The following ABHD16A variants were observed in gnomAD, a reference collection of about 807,000 sequenced individuals.
ABHD16A encodes the protein phosphatidylserine lipase ABHD16A.
ABHD16A carries 47 observed loss-of-function variants against 89.8 expected under a neutral mutation model. The observed-to-expected ratio is 0.52, with a 90% CI of 0.41 to 0.67. The LOEUF (loss-of-function observed/expected upper bound fraction) is 0.67. Ranked by LOEUF, ABHD16A falls within the 30% of genes least tolerant of loss-of-function variation. The pLI is 0.00. For missense variants in ABHD16A, 580 were observed against 734.6 expected (o/e 0.79, Z 2.43); for synonymous variants, 251 against 280.4 (o/e 0.90, Z 1.05).
At chr6:31,695,605 C>T (rs1804310881) in intron 5 of ABHD16A, among the ~76,000 whole-genome samples, 1 of 152,094 alleles carries the variant, frequency 6.6e-6, no homozygotes, top group Non-Finnish European at 1.5e-5. Flanking sequence ...TGCCTGTAAT[C>T]CCAGCTACTT....
chr6:31,688,379 C>T lies in ABHD16A; in HGVS notation c.1251-74G>A. The T allele has an allele frequency of 1.4e-6, 2 of 1,439,724 alleles. No individual in the cohort carries two copies. The highest frequency in any genetic ancestry group is 9.8e-7 in the Non-Finnish European group (1 of 1,024,386). 89.2% of individuals were successfully genotyped at this position (1,439,724 alleles called of 1,614,324 possible). On this transcript the variant is annotated intron_variant, in intron 14 of 19. Coordinates refer to ENST00000395952, the MANE Select transcript of ABHD16A (RefSeq NM_021160.3). The surrounding 1 kb of genome is among the most constrained non-coding windows in gnomAD (Gnocchi z 4.9). ...GACAACTGGCCCACCCCTATCCCTG[C>T]ACTGGTAGCATTCTTACCCTCCCCT...
chr6:31,697,977 A>G (rs1479470081), intron 4 of ABHD16A, among the ~76,000 whole-genome samples: 1 of 152,190 alleles, frequency 6.6e-6, no homozygotes, highest in South Asian at 2.1e-4. Flanking sequence ...AAAATACAAC[A>G]AGAATGAACC....
intron 4 of ABHD16A, among the ~76,000 whole-genome samples, chr6:31,699,736 T>G (rs1252977297): frequency 2.7e-5 from 4 of 150,922 alleles, no homozygotes; most frequent in Non-Finnish European, 5.9e-5. Context: ...CCATGCCCAG[T>G]TAATTTTTTG....
intron 7 of ABHD16A, 170 bp downstream of exon 7, chr6:31,692,857 C>A (rs761540350): frequency 2.3e-5 from 20 of 888,210 alleles, no homozygotes; most frequent in Non-Finnish European, 3.2e-5. Flanking sequence ...AGCCTCTTTT[C>A]TTCAAACATA....
chr6:31,701,485 G>A (rs550311344), intron 2 of ABHD16A, 145 bp from the exon 3 acceptor site: 2 of 681,474 alleles, frequency 2.9e-6, no homozygotes, highest in African/African-American at 3.6e-5. Flanking sequence ...GAATACAGTA[G>A]GTGCTCAGTA....
Position 31,690,086 on chromosome 6 carries a change from C to T in ABHD16A, c.949G>A (p.Gly317Arg), listed in dbSNP as rs762888798. The change falls in exon 11 of 20, where the codon GGA (glycine) becomes AGA (arginine). Residue 317 changes from glycine (G) to arginine (R), a missense_variant. Gly to Arg is a moderately radical substitution (Grantham distance 125). Around this residue, in one of 2 missense-constraint regions of ABHD16A, gnomAD observed 415 missense variants for 568.8 expected, o/e 0.73. Coordinates refer to ENST00000395952, the MANE Select transcript of ABHD16A (RefSeq NM_021160.3). The surrounding 1 kb of genome is among the most constrained non-coding windows in gnomAD (Gnocchi z 4.1). The part of the protein sequence containing the change: ...VLGWNHPGFA[G>R]STGVPFPQNE... ...TCCTGAGATGGTCTCACCGTGCTTCCAGCAAAGCCTGGATGATTCCAGCCC... is the reference window on the plus strand; with the variant it reads ...TCCTGAGATGGTCTCACCGTGCTTCTAGCAAAGCCTGGATGATTCCAGCCC... 2 of 1,598,568 alleles carry T rather than the reference C, an allele frequency of 1.3e-6. No homozygotes were observed. Among genetic ancestry groups the T allele is most frequent in the Admixed American group, 3.5e-5 (2 of 57,100 alleles).
In ABHD16A at chr6:31,693,247, C is replaced by A; in HGVS notation, c.504-98G>T. 1 of 1,584,826 alleles carries A rather than the reference C, an allele frequency of 6.3e-7. No individual in the cohort carries two copies. On this transcript the variant is annotated intron_variant, in intron 6 of 19. Coordinates refer to ENST00000395952, the MANE Select transcript of ABHD16A (RefSeq NM_021160.3). The surrounding 1 kb of genome is among the most constrained non-coding windows in gnomAD (Gnocchi z 5.0). Reference sequence around the variant, plus strand: ...GTGGGGTCTAGGAACGACATAATGGCATTGGAAGGCAGGCACTGTGACCTG... The same window carrying A: ...GTGGGGTCTAGGAACGACATAATGGAATTGGAAGGCAGGCACTGTGACCTG...
In ABHD16A at chr6:31,687,247, G is replaced by C. The variant is rs761062985; in HGVS notation, c.1642C>G (p.Pro548Ala). 2.5e-6 allele frequency: 4 copies of C among 1,612,936 alleles called. No homozygotes were observed. The highest frequency in any genetic ancestry group is 4.5e-5 in the East Asian group (2 of 44,866). ...NFEATHCTPLPAQNFQMPWHL is the reference protein window; with the variant it reads ...NFEATHCTPLAAQNFQMPWHL Reference sequence around the variant, plus strand: ...CAGGGCATCTGGAAGTTCTGGGCTGGGAGTGGGGTGCAGTGAGTGGCCTCA... The same window carrying C: ...CAGGGCATCTGGAAGTTCTGGGCTGCGAGTGGGGTGCAGTGAGTGGCCTCA... Residue 548 changes from proline (P) to alanine (A), a missense_variant, in exon 20 of 20, where the codon CCA becomes GCA. Around this residue, in one of 2 missense-constraint regions of ABHD16A, gnomAD observed 415 missense variants for 568.8 expected, o/e 0.73. Transcript: ENST00000395952. The surrounding 1 kb of genome is among the most constrained non-coding windows in gnomAD (Gnocchi z 6.3).
chr6:31,702,059 C>A lies in ABHD16A; in HGVS notation c.189+15G>T. 1 of 1,613,050 alleles carries A rather than the reference C, an allele frequency of 6.2e-7. No individual in the cohort carries two copies. Among genetic ancestry groups the A allele is most frequent in the Non-Finnish European group, 8.5e-7 (1 of 1,180,008 alleles). ...TCTGAAAGATGCAGAGTCCCAGATG[C>A]CAGGGTAGACATACCAGTGCCAGGA... On this transcript the variant is annotated intron_variant, in intron 2 of 19. Coordinates refer to ENST00000395952, the MANE Select transcript of ABHD16A (RefSeq NM_021160.3).
rs370466476 is a variant in ABHD16A, at chr6:31,691,696, G to A, written c.742-16C>T. On this transcript the variant is annotated splice_polypyrimidine_tract_variant and intron_variant, in intron 8 of 19. Coordinates refer to ENST00000395952, the MANE Select transcript of ABHD16A (RefSeq NM_021160.3). ...GCCCATTACACTGAGTACGGAAGAC[G>A]CAATGGCCAAGATGCAAGGGTCAGG... 5.4e-5 allele frequency: 79 copies of A among 1,466,000 alleles called. 4 individuals carry two copies. The highest frequency in any genetic ancestry group is 5.0e-4 in the African/African-American group (33 of 65,996). 90.8% of individuals were successfully genotyped at this position (1,466,000 alleles called of 1,614,324 possible).
chr6:31,702,015 G>A (rs1805058622), intron 2 of ABHD16A, 59 bp downstream of exon 2: 3 of 1,602,256 alleles, frequency 1.9e-6, no homozygotes, highest in Admixed American at 1.7e-5. Flanking sequence ...GGAGGGCTAA[G>A]TTCAAGAGGA....
chr6:31,702,213 C>T, intron 1 of ABHD16A, 83 bp from the exon 2 acceptor site: 1 of 1,357,620 alleles, frequency 7.4e-7, no homozygotes, highest in Non-Finnish European at 1.0e-6. Context: ...GCTGTGTGTC[C>T]TCTGGTTCTA....
In ABHD16A at chr6:31,690,192, G is replaced by A. The variant is rs1803733953; in HGVS notation, c.908-65C>T. ...CACAGCCCTTTCTCCATCCCTGGGGGAAGGAAGAGCAGAAGTACCCCCCAG... is the reference window on the plus strand; with the variant it reads ...CACAGCCCTTTCTCCATCCCTGGGGAAAGGAAGAGCAGAAGTACCCCCCAG... On this transcript the variant is annotated intron_variant, in intron 10 of 19. Coordinates refer to ENST00000395952, the MANE Select transcript of ABHD16A (RefSeq NM_021160.3). The surrounding 1 kb of genome is among the most constrained non-coding windows in gnomAD (Gnocchi z 4.1). 6.9e-7 allele frequency: 1 copy of A among 1,449,602 alleles called. No individual in the cohort carries two copies. Among genetic ancestry groups the A allele is most frequent in the Non-Finnish European group, 9.3e-7 (1 of 1,071,928 alleles). The allele number at this position is 1,449,602 out of a possible 1,614,324, so 89.8% of individuals were successfully genotyped here.
intron 1 of ABHD16A, 51 bp downstream of exon 1, chr6:31,703,099 T>C: frequency 2.2e-6 from 3 of 1,377,060 alleles, no homozygotes; most frequent in South Asian, 2.0e-5. Flanking sequence ...CAAAAGGCCG[T>C]AAAGGGTTTG....
chr6:31,695,586 G>C (rs1804309347), intron 5 of ABHD16A, among the ~76,000 whole-genome samples: 2 of 152,098 alleles, frequency 1.3e-5, no homozygotes, highest in African/African-American at 4.8e-5. Context: ...AGCTGGGCGT[G>C]GTGGCGCATG....
intron 5 of ABHD16A, among the ~76,000 whole-genome samples, chr6:31,694,385 G>GTTTTTT: frequency 2.5e-5 from 2 of 79,470 alleles, no homozygotes; most frequent in African/African-American, 6.3e-5. Flanking sequence ...TGGGAGCTGT[G>GTTTTTT]TCTTTTTTTT....
chr6:31,701,826 C>T (rs578231013), intron 2 of ABHD16A, among the ~76,000 whole-genome samples: 1 of 152,262 alleles, frequency 6.6e-6, no homozygotes, highest in African/African-American at 2.4e-5. Flanking sequence ...TGCAGATGGT[C>T]CCAAGAGTAA....
chr6:31,692,540 G>A (rs1295384889), intron 7 of ABHD16A, among the ~76,000 whole-genome samples: 1 of 152,176 alleles, frequency 6.6e-6, no homozygotes, highest in Non-Finnish European at 1.5e-5. Flanking sequence ...GTGCTCTCAA[G>A]CACCCAGGCA....
rs112330124 is a variant in ABHD16A at position 31,688,311 on chromosome 6, G to A, written c.1251-6C>T. 1.1e-5 allele frequency: 17 copies of A among 1,613,832 alleles called. 1 individual carries two copies. The African/African-American group carries it at 1.1e-4, about 10-fold the overall frequency. On this transcript the variant is annotated splice_polypyrimidine_tract_variant and splice_region_variant and intron_variant, in intron 14 of 19. Transcript: ENST00000395952. The surrounding 1 kb of genome is among the most constrained non-coding windows in gnomAD (Gnocchi z 4.9). The stretch of plus-strand genomic sequence containing the variant: ...GCAGTACAGGACCCTGGTATCTTCA[G>A]AGAACAGAGCAGTGGGAAGGGAGAG...
Sources: allele counts gnomAD v4.1 joint callset (sites outside exome capture counted in the v4.1 genomes callset), GRCh38; gene constraint gnomAD v4.1.1; regional missense constraint gnomAD v4.1.1; non-coding constraint Gnocchi (gnomAD v3.1); transcripts MANE v1.5; gene names NCBI Gene and HGNC (gene_info 2026-07-23, HGNC 2026-07-21).